The following ZNF648 variants were observed in gnomAD, a reference collection of about 807,000 sequenced individuals.
ZNF648 encodes the protein zinc finger protein 648.
In ZNF648, 1 loss-of-function variant was observed where a neutral mutation model predicts 0.3. The ratio of observed to expected loss-of-function variants is 3.90; its 90% CI spans 1.39 to 18.51. The LOEUF is 18.51. Ranked by LOEUF, ZNF648 falls within the 30% of genes most tolerant of loss-of-function variation. The probability of loss-of-function intolerance (pLI) is 0.11; values close to 1 mark genes in which losing one functional copy is unlikely to be tolerated. For missense variants in ZNF648, 874 were observed against 769.7 expected (o/e 1.14, Z -1.60); for synonymous variants, 376 against 326.8 (o/e 1.15, Z -1.62).
At chr1:182,065,521 C>T (rs1479867537), upstream of ZNF648, among the ~76,000 whole-genome samples, 8 of 152,170 alleles carry the variant, frequency 5.3e-5, no homozygotes, top group Non-Finnish European at 7.3e-5. Context: ...GGGACTTCCA[C>T]GTTAAATTGT....
At chr1:182,058,331 C>A (rs1355636442) in intron 1 of ZNF648, among the ~76,000 whole-genome samples, 1 of 152,134 alleles carries the variant, frequency 6.6e-6, no homozygotes, top group Non-Finnish European at 1.5e-5. Flanking sequence ...TTGCTGGGTG[C>A]CAGCTGTGCC....
At position 182,060,132 on chromosome 1, in the gene ZNF648, GCTGGGCTCCTCC is replaced by G. The variant is rs1666007309; in HGVS notation, c.-64+1424_-64+1435del. Among the ~76,000 whole-genome samples, 8 of 152,330 alleles carry G rather than the reference GCTGGGCTCCTCC, an allele frequency of 5.3e-5. No individual in the cohort carries two copies. In the South Asian group the frequency reaches 1.7e-3, roughly 32 times the overall value. ...GGAACCTTGGCTACAGGGCCTCACT[GCTGGGCTCCTCC>G]CTGCTTTCATTGACCCAGATTGCCC... On this transcript the variant is annotated intron_variant, in intron 1 of 1. Coordinates refer to ENST00000339948, the MANE Select transcript of ZNF648 (RefSeq NM_001009992.1).
chr1:182,056,370 G>A lies in ZNF648; in HGVS notation c.1641C>T (p.Leu547=), dbSNP rs759718053. Residue 547 remains leucine (L), a synonymous_variant, in exon 2 of 2, where the codon CTC becomes CTT. Transcript: ENST00000339948. The part of the protein sequence containing the change: ...CGQAFTRSNH[L]QRHRAKHGTC... ...TGCCGTGCTTGGCTCGGTGTCGTTGGAGGTGATTGGACCTGGTGAAGGCCT... is the reference window on the plus strand; with the variant it reads ...TGCCGTGCTTGGCTCGGTGTCGTTGAAGGTGATTGGACCTGGTGAAGGCCT... 1.2e-6 allele frequency: 2 copies of A among 1,614,180 alleles called. No individual in the cohort carries two copies. Among genetic ancestry groups the A allele is most frequent in the South Asian group, 1.1e-5 (1 of 91,082 alleles).
chr1:182,057,004 G>A lies in ZNF648; in HGVS notation c.1007C>T (p.Pro336Leu), dbSNP rs756900094. Reference sequence around the variant, plus strand: ...GAAGGCCTTCCCGCAGTCTGGACACGGGTAGGGTTTCTCGCCTGTGTGGGT... The same window carrying A: ...GAAGGCCTTCCCGCAGTCTGGACACAGGTAGGGTTTCTCGCCTGTGTGGGT... The part of the protein sequence containing the change: ...IRTHTGEKPY[P>L]CPDCGKAFVR... The change falls in exon 2 of 2, where the codon CCG becomes CTG. Residue 336 changes from proline to leucine, a missense_variant. Physicochemically the swap from Pro to Leu is moderately conservative, Grantham distance 98. Coordinates refer to ENST00000339948, the MANE Select transcript of ZNF648 (RefSeq NM_001009992.1). 3.7e-6 allele frequency: 6 copies of A among 1,613,568 alleles called. No homozygotes were observed. The highest frequency in any genetic ancestry group is 1.1e-5 in the South Asian group (1 of 91,072).
chr1:182,058,002 T>C lies in ZNF648; in HGVS notation c.9A>G (p.Gln3=). 6.2e-7 allele frequency: 1 copy of C among 1,605,118 alleles called. No individual in the cohort carries two copies. The highest frequency in any genetic ancestry group is 8.5e-7 in the Non-Finnish European group (1 of 1,176,180). Reference sequence around the variant, plus strand: ...CTCCCCACCTGTCCTGGGAGTCCACTTGTGCCATGATGTTCAGGCGCTTCT... The same window carrying C: ...CTCCCCACCTGTCCTGGGAGTCCACCTGTGCCATGATGTTCAGGCGCTTCT... MA[Q]VDSQDRWGEA... The change falls in exon 2 of 2, where the codon CAA becomes CAG. Residue 3 remains glutamine, a synonymous_variant. Coordinates refer to ENST00000339948, the MANE Select transcript of ZNF648 (RefSeq NM_001009992.1).
chr1:182,056,664 C>A lies in ZNF648; in HGVS notation c.1347G>T (p.Lys449Asn). 6.2e-7 allele frequency: 1 copy of A among 1,606,562 alleles called. No homozygotes were observed. Among genetic ancestry groups the A allele is most frequent in the Non-Finnish European group, 8.5e-7 (1 of 1,176,390 alleles). ...QTLHTGQRPF[K>N]CADCGVAFAQ... is the part of the protein sequence containing the mutation. ...CGAAGGCCACGCCGCAGTCAGCGCA[C>A]TTGAAAGGCCTCTGGCCGGTGTGCA... The change falls in exon 2 of 2, where the codon AAG becomes AAT. Residue 449 changes from lysine to asparagine, a missense_variant. Transcript: ENST00000339948.
rs895438874 is a variant in ZNF648 at position 182,055,421 on chromosome 1, A to G, written c.*883T>C. ...GGTCAAGGCTTTGTGGAGAAATTAT[A>G]TATGTCTCTCTGTAAATGGGCCAAT... On this transcript the variant is annotated 3_prime_UTR_variant, in exon 2 of 2. Coordinates refer to ENST00000339948, the MANE Select transcript of ZNF648 (RefSeq NM_001009992.1). The surrounding 1 kb of genome is among the most constrained non-coding windows in gnomAD (Gnocchi z 4.1). The G allele has an allele frequency of 1.3e-5, 2 of 152,236 alleles. No individual in the cohort carries two copies. Among genetic ancestry groups the G allele is most frequent in the East Asian group, 1.9e-4 (1 of 5,198 alleles). The allele number at this position is 152,236 out of a possible 1,614,324, so 9.4% of individuals were successfully genotyped here.
Position 182,057,347 on chromosome 1 carries a change from C to T in ZNF648, c.664G>A (p.Ala222Thr). The T allele has an allele frequency of 6.2e-7, 1 of 1,610,696 alleles. No homozygotes were observed. Among genetic ancestry groups the T allele is most frequent in the Non-Finnish European group, 8.5e-7 (1 of 1,179,752 alleles). Residue 222 changes from alanine to threonine, a missense_variant, in exon 2 of 2, where the codon GCG becomes ACG. Coordinates refer to ENST00000339948, the MANE Select transcript of ZNF648 (RefSeq NM_001009992.1). Reference sequence around the variant, plus strand: ...CTGTTCCGCGCTTTTGCCAGGACCGCGGCAGCCAGGCTGGCTGGGGTGGCC... The same window carrying T: ...CTGTTCCGCGCTTTTGCCAGGACCGTGGCAGCCAGGCTGGCTGGGGTGGCC... ...ASATPASLAA[A>T]VLAKARNSRK...
At chr1:182,060,650 A>G (rs1172734969) in intron 1 of ZNF648, among the ~76,000 whole-genome samples, 1 of 152,104 alleles carries the variant, frequency 6.6e-6, no homozygotes, top group Non-Finnish European at 1.5e-5. Flanking sequence ...AGGAGCCCAG[A>G]TCTGACATAT....
Position 182,056,829 on chromosome 1 carries a change from G to T in ZNF648, c.1182C>A (p.Cys394Ter). 6.4e-7 allele frequency: 1 copy of T among 1,555,366 alleles called. No homozygotes were observed. The highest frequency in any genetic ancestry group is 1.2e-5 in the South Asian group (1 of 84,732). The change falls in exon 2 of 2, where the codon TGC becomes TGA. Residue 394 changes from cysteine to a stop codon, truncating the protein, a stop_gained. Transcript: ENST00000339948. LOFTEE classifies it low-confidence loss of function (END_TRUNC). ...CAGCGAACTCCCGGTCGCAGGCGGG[G>T]CAGCGGAAGGGCTTGGCGCCCAGGT... is the stretch of plus-strand genomic sequence containing the variant. The part of the protein sequence containing the change: ...RTHLGAKPFR[C>*]PACDREFAVA...
the ZNF648 span, among the ~76,000 whole-genome samples, chr1:182,067,674 A>C: frequency 1.3e-5 from 2 of 152,208 alleles, no homozygotes; most frequent in African/African-American, 4.8e-5. Context: ...CTCAAGACCT[A>C]CATTGCACTA....
Position 182,057,689 on chromosome 1 carries a change from T to G in ZNF648, c.322A>C (p.Thr108Pro). Reference sequence around the variant, plus strand: ...GAACCCTGGGTCTCGTTGATCTTTGTCACATCTCTGCTCCAACTGGCTTTC... The same window carrying G: ...GAACCCTGGGTCTCGTTGATCTTTGGCACATCTCTGCTCCAACTGGCTTTC... ...SGKASWSRDV[T>P]KINETQGSPG... The change falls in exon 2 of 2, where the codon ACA becomes CCA. Residue 108 changes from threonine (T) to proline (P), a missense_variant. Thr to Pro is a conservative substitution (Grantham distance 38). Transcript: ENST00000339948. 6.2e-7 allele frequency: 1 copy of G among 1,614,190 alleles called. No individual in the cohort carries two copies. The highest frequency in any genetic ancestry group is 8.5e-7 in the Non-Finnish European group (1 of 1,180,030).
chr1:182,057,256 C>T lies in ZNF648; in HGVS notation c.755G>A (p.Cys252Tyr). 6.3e-7 allele frequency: 1 copy of T among 1,581,920 alleles called. No homozygotes were observed. Reference protein sequence around the residue: ...GGEAEARPYRCLRGGRAFQKP... With the variant: ...GGEAEARPYRYLRGGRAFQKP... ...CTGAAAGGCCCGCCCGCCCCGCAGG[C>T]ACCTGTAGGGACGCGCCTCAGCCTC... The change falls in exon 2 of 2, where the codon TGC becomes TAC. Residue 252 changes from cysteine to tyrosine, a missense_variant. Physicochemically the swap from Cys to Tyr is radical, Grantham distance 194. Coordinates refer to ENST00000339948, the MANE Select transcript of ZNF648 (RefSeq NM_001009992.1).
chr1:182,057,442 A>G lies in ZNF648; in HGVS notation c.569T>C (p.Leu190Ser), dbSNP rs1287934280. 6.2e-7 allele frequency: 1 copy of G among 1,614,210 alleles called. No homozygotes were observed. The highest frequency in any genetic ancestry group is 8.5e-7 in the Non-Finnish European group (1 of 1,180,034). Reference sequence around the variant, plus strand: ...GTTGCTCCCCGGCCTGGGGAAACACAACAGAGAAGAGTTCCCTGCGGACGT... The same window carrying G: ...GTTGCTCCCCGGCCTGGGGAAACACGACAGAGAAGAGTTCCCTGCGGACGT... ...VDTSAGNSSL[L>S]CFPRPGSNWD... is the part of the protein sequence containing the mutation. Residue 190 changes from leucine (L) to serine (S), a missense_variant, in exon 2 of 2, where the codon TTG becomes TCG. Leu to Ser is a moderately radical substitution (Grantham distance 145). Transcript: ENST00000339948.
Position 182,056,446 on chromosome 1 carries a change from T to G in ZNF648, c.1565A>C (p.His522Pro), listed in dbSNP as rs746141204. The G allele has an allele frequency of 2.0e-5, 32 of 1,613,982 alleles. No individual in the cohort carries two copies. The South Asian group carries it at 3.2e-4, about 16-fold the overall frequency. Residue 522 changes from histidine to proline, a missense_variant, in exon 2 of 2, where the codon CAC (histidine) becomes CCC (proline). Coordinates refer to ENST00000339948, the MANE Select transcript of ZNF648 (RefSeq NM_001009992.1). ...AFRIASELAQHIRMHNGERPY... is the reference protein window; with the variant it reads ...AFRIASELAQPIRMHNGERPY... ...CCTCTCTCCGTTGTGCATTCGTATGTGCTGGGCCAACTCAGAGGCAATGCG... is the reference window on the plus strand; with the variant it reads ...CCTCTCTCCGTTGTGCATTCGTATGGGCTGGGCCAACTCAGAGGCAATGCG...
chr1:182,063,230 T>C (rs1666053921), upstream of ZNF648: 1 of 152,268 alleles, frequency 6.6e-6, no homozygotes, highest in Non-Finnish European at 1.5e-5. Flanking sequence ...AGTAATGGGA[T>C]TGTGGATCAA....
At chr1:182,063,019 C>G (rs1435627944), upstream of ZNF648, 1 of 152,210 alleles carries the variant, frequency 6.6e-6, no homozygotes, top group Non-Finnish European at 1.5e-5. Flanking sequence ...ATCCCTGTCC[C>G]TGCAAAGGAT....
chr1:182,056,948 G>T lies in ZNF648; in HGVS notation c.1063C>A (p.Arg355Ser). The T allele has an allele frequency of 6.2e-7, 1 of 1,613,138 alleles. No individual in the cohort carries two copies. Among genetic ancestry groups the T allele is most frequent in the Non-Finnish European group, 8.5e-7 (1 of 1,179,656 alleles). ...VRSSDLRKHQ[R>S]NMHSNNKPFP... ...GGCTTATTGTTGCTGTGCATGTTGC[G>T]CTGGTGTTTGCGCAGGTCCGAAGAG... The change falls in exon 2 of 2, where the codon CGC becomes AGC. Residue 355 changes from arginine (R) to serine (S), a missense_variant. Physicochemically the swap from Arg to Ser is moderately radical, Grantham distance 110 (BLOSUM62 -1). Transcript: ENST00000339948.
the ZNF648 span, among the ~76,000 whole-genome samples, chr1:182,067,553 C>A: frequency 6.6e-6 from 1 of 152,292 alleles, no homozygotes; most frequent in Admixed American, 6.5e-5. Context: ...CCACTGGAAC[C>A]TTTTCCTCAA....
Sources: gnomAD v4.1 joint callset for allele counts (sites outside exome capture counted in the v4.1 genomes callset) on GRCh38, gnomAD v4.1.1 for gene constraint, Gnocchi (gnomAD v3.1) non-coding constraint, MANE v1.5 for transcripts, NCBI Gene and HGNC (gene_info 2026-07-23, HGNC 2026-07-21) for gene names.